Variants in EFCAB8 observed in about 807,000 individuals in gnomAD.
EFCAB8 encodes the protein EF-hand calcium-binding domain-containing protein 8.
Under a neutral mutation model 116.3 loss-of-function variants are expected in EFCAB8, and 100 were observed. The ratio of observed to expected loss-of-function variants is 0.86; its 90% CI spans 0.73 to 1.02. EFCAB8 has a LOEUF of 1.02. EFCAB8 is among the 50% of genes least tolerant of loss of function. EFCAB8 has a pLI of 0.00. For missense variants in EFCAB8, 1,320 were observed against 1,416.9 expected (o/e 0.93, Z 1.10); for synonymous variants, 558 against 567.9 (o/e 0.98, Z 0.25).
chr20:32,891,192 C>T (rs1283984813), intron 7 of EFCAB8, among the ~76,000 whole-genome samples: 2 of 152,154 alleles, frequency 1.3e-5, no homozygotes, highest in Non-Finnish European at 2.9e-5. Context: ...TCACTGCAAC[C>T]TCTGCCTCCC....
At chr20:32,868,359 A>G (rs74879023) in intron 3 of EFCAB8, among the ~76,000 whole-genome samples, 2 of 152,124 alleles carry the variant, frequency 1.3e-5, no homozygotes. Context: ...CACTGTGCCC[A>G]ACCCTGATCA....
chr20:32,911,342 G>T (rs1390781424), intron 15 of EFCAB8, 138 bp from the exon 16 acceptor site: 4 of 672,054 alleles, frequency 6.0e-6, no homozygotes, highest in Non-Finnish European at 9.4e-6. Flanking sequence ...TTTCAAAAGT[G>T]GCTTATGCTG....
chr20:32,939,125 C>T (rs1457632465), intron 22 of EFCAB8, among the ~76,000 whole-genome samples: 10 of 56,558 alleles, frequency 1.8e-4, no homozygotes, highest in Admixed American at 7.0e-4. Flanking sequence ...CTCTTTCTTT[C>T]TCTTTCTTTC....
intron 22 of EFCAB8, among the ~76,000 whole-genome samples, chr20:32,934,621 G>A (rs888570072): frequency 1.3e-5 from 2 of 152,188 alleles, no homozygotes; most frequent in African/African-American, 4.8e-5. Context: ...ATCCCCAGCT[G>A]TCGTGGGAGG....
chr20:32,891,367 G>A (rs549593131), intron 7 of EFCAB8, among the ~76,000 whole-genome samples: 7 of 152,230 alleles, frequency 4.6e-5, no homozygotes, highest in South Asian at 2.1e-4. Context: ...ACAGGTGCGC[G>A]CTACCACACC....
intron 2 of EFCAB8, among the ~76,000 whole-genome samples, chr20:32,864,250 C>T (rs1002593926): frequency 8.0e-5 from 12 of 149,954 alleles, no homozygotes; most frequent in African/African-American, 2.7e-4. Flanking sequence ...GCTGGGACTA[C>T]AGGCGTGAGC....
At chr20:32,883,919 G>C (rs1455549364) in intron 5 of EFCAB8, among the ~76,000 whole-genome samples, 3 of 152,218 alleles carry the variant, frequency 2.0e-5, no homozygotes, top group Non-Finnish European at 4.4e-5. Context: ...TTGAACTCCT[G>C]ACCTCAAGTG....
chr20:32,927,353 A>C (rs1377253635), intron 20 of EFCAB8, among the ~76,000 whole-genome samples: 1 of 151,908 alleles, frequency 6.6e-6, no homozygotes, highest in African/African-American at 2.4e-5. Context: ...ATTTAATTTA[A>C]AATTTTTTTG....
At chr20:32,910,456 G>A (rs1334072111) in intron 15 of EFCAB8, among the ~76,000 whole-genome samples, 1 of 152,120 alleles carries the variant, frequency 6.6e-6, no homozygotes, top group Non-Finnish European at 1.5e-5. Context: ...AGGAGGGGCT[G>A]CTGCCTGAGG....
chr20:32,893,770 G>A (rs921453316), intron 9 of EFCAB8, among the ~76,000 whole-genome samples: 2 of 152,124 alleles, frequency 1.3e-5, no homozygotes, highest in African/African-American at 4.8e-5. Context: ...GGCCTGGCTG[G>A]CATGGGTGAG....
intron 22 of EFCAB8, among the ~76,000 whole-genome samples, chr20:32,942,508 G>A (rs1988437956): frequency 6.6e-6 from 1 of 151,372 alleles, no homozygotes. Context: ...GCAACATAGT[G>A]AGACCCCATC....
At chr20:32,925,187 G>A (rs1296958099) in intron 20 of EFCAB8, among the ~76,000 whole-genome samples, 1 of 152,296 alleles carries the variant, frequency 6.6e-6, no homozygotes, top group Middle Eastern at 3.4e-3. Flanking sequence ...TCCAGGCCCA[G>A]CTGTGTCCCT....
intron 17 of EFCAB8, 133 bp downstream of exon 17, chr20:32,912,997 C>T (rs1285347707): frequency 3.2e-6 from 2 of 627,416 alleles, no homozygotes; most frequent in African/African-American, 1.9e-5. Context: ...ATGACTATTG[C>T]TTCATCTGCT....
chr20:32,940,019 CCCTCCCTT>C (rs1217090605), intron 22 of EFCAB8, among the ~76,000 whole-genome samples: 34 of 77,382 alleles, frequency 4.4e-4, no homozygotes, highest in East Asian at 2.0e-3. Context: ...CTCCCTCCCT[CCCTCCCTT>C]CCTTCCTTCC....
At chr20:32,904,641 G>T (rs901830407) in intron 11 of EFCAB8, among the ~76,000 whole-genome samples, 11 of 146,812 alleles carry the variant, frequency 7.5e-5, no homozygotes, top group Non-Finnish European at 1.3e-4. Context: ...GTGGCGGGGT[G>T]GGGGTACTGA....
intron 20 of EFCAB8, among the ~76,000 whole-genome samples, 177 bp downstream of exon 20, chr20:32,920,392 G>A (rs116226034): frequency 9.3e-4 from 141 of 152,266 alleles, no homozygotes; most frequent in African/African-American, 3.2e-3. Context: ...GGGCTGCGGT[G>A]TCTGGGGAGA....
chr20:32,893,251 C>A lies in EFCAB8; in HGVS notation c.836C>A (p.Thr279Asn). The A allele has an allele frequency of 6.4e-7, 1 of 1,551,960 alleles. No homozygotes were observed. ...ATTGTCTTCACCTCCGAAAACATGA[C>A]CAGTGGGCTGTTCAACCCCCGTATC... ...NVIVFTSENM[T>N]SGLFNPRILP... The change falls in exon 9 of 27, where the codon ACC (threonine) becomes AAC (asparagine). Residue 279 changes from threonine (T) to asparagine (N), a missense_variant. Physicochemically the swap from Thr to Asn is moderately conservative, Grantham distance 65. Transcript: ENST00000400522.
chr20:32,948,645 T>G (rs764456532), intron 23 of EFCAB8, among the ~76,000 whole-genome samples: 1 of 151,992 alleles, frequency 6.6e-6, no homozygotes, highest in Non-Finnish European at 1.5e-5. Flanking sequence ...ACAAAATATC[T>G]TAACAAAATT....
Position 32,863,768 on chromosome 20 carries a change from G to C in EFCAB8, c.-10-15G>C. 1 of 1,549,792 alleles carries C rather than the reference G, an allele frequency of 6.5e-7. No homozygotes were observed. Among genetic ancestry groups the C allele is most frequent in the Non-Finnish European group, 8.7e-7 (1 of 1,146,418 alleles). ...CAACGACTGGAGTTAAGTTGACTATGATTCCCTATTCTAGGTCAAGGCTAA... is the reference window on the plus strand; with the variant it reads ...CAACGACTGGAGTTAAGTTGACTATCATTCCCTATTCTAGGTCAAGGCTAA... On this transcript the variant is annotated splice_polypyrimidine_tract_variant and intron_variant, in intron 1 of 26. Transcript: ENST00000400522.
Sources: gnomAD v4.1 joint callset for allele counts (sites outside exome capture counted in the v4.1 genomes callset) on GRCh38, gnomAD v4.1.1 for gene constraint, MANE v1.5 for transcripts, NCBI Gene and HGNC (gene_info 2026-07-23, HGNC 2026-07-21) for gene names.